HPS4: variants seen among roughly 807,000 people sequenced by gnomAD.
The protein encoded by HPS4 is HPS4 biogenesis of lysosomal organelles complex 3 subunit 2.
In HPS4, 44 loss-of-function variants were observed where a neutral mutation model predicts 70.3. The ratio of observed to expected loss-of-function variants is 0.63; its 90% CI spans 0.49 to 0.80. The LOEUF is 0.80. HPS4 is among the 30% of genes least tolerant of loss of function. The probability of loss-of-function intolerance (pLI) is 0.00; values close to 1 mark genes in which losing one functional copy is unlikely to be tolerated. For synonymous variants in HPS4, 377 were observed against 355.9 expected, an observed-to-expected ratio of 1.06 and a Z score of -0.67; for missense variants, 873 against 884.4, an observed-to-expected ratio of 0.99 and a Z score of 0.16.
chr22:26,469,084 T>G (rs1250958873), intron 7 of HPS4, among the ~76,000 whole-genome samples: 1 of 152,038 alleles, frequency 6.6e-6, no homozygotes, highest in Non-Finnish European at 1.5e-5. Context: ...TGCATACATG[T>G]ACCAGTGGGG....
chr22:26,457,888 C>T lies in HPS4; in HGVS notation c.1926G>A (p.Gln642=). The change falls in exon 13 of 14, where the codon CAG becomes CAA. Residue 642 remains glutamine (Q), a synonymous_variant. Coordinates refer to ENST00000398145, the MANE Select transcript of HPS4 (RefSeq NM_022081.6). ...AVSLMHSEFA[Q]LPALYEMTVR... The stretch of plus-strand genomic sequence containing the variant: ...CAGTCATTTCATAAAGCGCGGGCAG[C>T]TGGGCAAATTCGCTATGCATCAGGC... The T allele has an allele frequency of 6.2e-7, 1 of 1,614,226 alleles. No homozygotes were observed. Among genetic ancestry groups the T allele is most frequent in the Non-Finnish European group, 8.5e-7 (1 of 1,180,036 alleles).
At chr22:26,465,607 G>C in intron 9 of HPS4, 56 bp from the exon 10 acceptor site, 3 of 1,406,536 alleles carry the variant, frequency 2.1e-6, no homozygotes, top group Non-Finnish European at 3.0e-6. Context: ...GAGGGCAGCG[G>C]GGCAATAGCT....
Position 26,458,452 on chromosome 22 carries a change from C to T in HPS4, c.1839G>A (p.Leu613=). The change falls in exon 12 of 14, where the codon TTG becomes TTA. Residue 613 remains leucine (L), a synonymous_variant. Coordinates refer to ENST00000398145, the MANE Select transcript of HPS4 (RefSeq NM_022081.6). ...NFTHYDRIQS[L]LMANLPQVAT... is the part of the protein sequence containing the mutation. ...CCCTTGGCTGGTTCTTACCCATCAG[C>T]AAGCTCTGAATGCGGTCGTAATGTG... is the stretch of plus-strand genomic sequence containing the variant. 1.2e-6 allele frequency: 2 copies of T among 1,614,168 alleles called. No individual in the cohort carries two copies. The highest frequency in any genetic ancestry group is 1.7e-6 in the Non-Finnish European group (2 of 1,180,024).
chr22:26,452,429 G>A lies in HPS4; in HGVS notation c.*804C>T, dbSNP rs1201213541. 2 of 451,030 alleles carry A rather than the reference G, an allele frequency of 4.4e-6. No homozygotes were observed. The highest frequency in any genetic ancestry group is 1.6e-5 in the South Asian group (1 of 63,424). 27.9% of individuals were successfully genotyped at this position (451,030 alleles called of 1,614,324 possible). A position where few individuals can be genotyped will look rare whatever the true frequency, so the allele number is the denominator to read the frequency against. On this transcript the variant is annotated 3_prime_UTR_variant, in exon 14 of 14. Transcript: ENST00000398145. ...GAAAAGCACAGTGCTTTTACCCCCA[G>A]ACATCTTGTAAACTCCTATTTAGGG...
chr22:26,469,950 G>A (rs1230240026), intron 7 of HPS4, among the ~76,000 whole-genome samples: 1 of 152,228 alleles, frequency 6.6e-6, no homozygotes, highest in African/African-American at 2.4e-5. Context: ...AGAAAATTGA[G>A]GCTAAGCAAC....
At chr22:26,462,053 G>A (rs186891144) in intron 11 of HPS4, among the ~76,000 whole-genome samples, 3 of 151,862 alleles carry the variant, frequency 2.0e-5, no homozygotes, top group Non-Finnish European at 2.9e-5. Context: ...TTGAACCGGG[G>A]AGGCGGAGGT....
At chr22:26,478,057 CAA>C (rs2090795801) in intron 3 of HPS4, among the ~76,000 whole-genome samples, 1 of 152,048 alleles carries the variant, frequency 6.6e-6, no homozygotes, top group African/African-American at 2.4e-5. Flanking sequence ...AAGTAATATC[CAA>C]GACAATAAGG....
intron 7 of HPS4, 28 bp downstream of exon 7, chr22:26,470,691 T>C (rs1217386817): frequency 6.2e-7 from 1 of 1,607,110 alleles, no homozygotes; most frequent in Non-Finnish European, 8.5e-7. Flanking sequence ...GGAATGGGGC[T>C]GGAAGAAAGG....
At chr22:26,454,460 GTTTTA>G (rs1259394541) in intron 13 of HPS4, among the ~76,000 whole-genome samples, 1 of 152,154 alleles carries the variant, frequency 6.6e-6, no homozygotes, top group East Asian at 1.9e-4. Flanking sequence ...GTTTTGTTTT[GTTTTA>G]AAGAATGAGA....
At chr22:26,447,081 A>C (rs147870498), downstream of HPS4, among the ~76,000 whole-genome samples, 2 of 152,218 alleles carry the variant, frequency 1.3e-5, no homozygotes, top group African/African-American at 2.4e-5. Flanking sequence ...TTGCAAGACC[A>C]TAACATCCCC....
chr22:26,447,283 TGAGA>T (rs563310528), downstream of HPS4, among the ~76,000 whole-genome samples: 247 of 152,290 alleles, frequency 1.6e-3, no homozygotes, highest in Middle Eastern at 3.4e-3. Context: ...GGAAAGAAGC[TGAGA>T]GAGAAACCCA....
chr22:26,472,584 G>A (rs1213686788), intron 5 of HPS4, among the ~76,000 whole-genome samples, 166 bp from the exon 6 acceptor site: 1 of 152,212 alleles, frequency 6.6e-6, no homozygotes, highest in African/African-American at 2.4e-5. Flanking sequence ...TGCCGCGTGG[G>A]GGTGGCAAGC....
intron 2 of HPS4, chr22:26,479,562 C>T (rs926116567): frequency 3.6e-6 from 5 of 1,407,212 alleles, no homozygotes; most frequent in Non-Finnish European, 4.6e-6. Flanking sequence ...AAATATGCCT[C>T]TATCCAGCCG....
At chr22:26,467,707 C>G (rs946289049) in intron 8 of HPS4, 3 of 152,118 alleles carry the variant, frequency 2.0e-5, no homozygotes, top group African/African-American at 7.2e-5. Flanking sequence ...CGCTGGAAAC[C>G]ACAGCTTCAT....
downstream of HPS4, among the ~76,000 whole-genome samples, chr22:26,448,332 A>G (rs2085024168): frequency 6.6e-6 from 1 of 152,222 alleles, no homozygotes; most frequent in Non-Finnish European, 1.5e-5. Flanking sequence ...AGAGACAGAA[A>G]AGCAACTTGC....
Position 26,464,098 on chromosome 22 carries a change from C to A in HPS4, c.1532G>T (p.Gly511Val). ...GCCAGCACCCTGACAGTTTGCTGAG[C>A]CTGAACTGCATTCCAGACCAGGGGC... The part of the protein sequence containing the change: ...HAAPGLECSS[G>V]SANCQGAGPS... Residue 511 changes from glycine (G) to valine (V), a missense_variant, in exon 11 of 14, where the codon GGC becomes GTC. Transcript: ENST00000398145. 1.2e-6 allele frequency: 2 copies of A among 1,614,254 alleles called. No homozygotes were observed. Among genetic ancestry groups the A allele is most frequent in the Non-Finnish European group, 1.7e-6 (2 of 1,180,046 alleles).
chr22:26,461,425 C>T (rs960123655), intron 11 of HPS4, among the ~76,000 whole-genome samples: 1 of 152,104 alleles, frequency 6.6e-6, no homozygotes, highest in Non-Finnish European at 1.5e-5. Context: ...ATTCCACTCC[C>T]TCTGAGGGAA....
intron 2 of HPS4, among the ~76,000 whole-genome samples, chr22:26,481,127 G>A (rs990314901): frequency 2.0e-5 from 3 of 151,450 alleles, no homozygotes; most frequent in Non-Finnish European, 4.4e-5. Context: ...CTGCTTGTGC[G>A]GGCACACGAA....
rs746883110 is a variant in HPS4 at position 26,452,633 on chromosome 22, C to T, written c.*600G>A. The T allele has an allele frequency of 1.2e-4, 31 of 262,930 alleles. No individual in the cohort carries two copies. Among genetic ancestry groups the T allele is most frequent in the Non-Finnish European group, 1.7e-4 (22 of 132,122 alleles). 16.3% of individuals were successfully genotyped at this position (262,930 alleles called of 1,614,324 possible). A position where few individuals can be genotyped will look rare whatever the true frequency, so the allele number is the denominator to read the frequency against. ...GCCCCCATTGTGGGTCCAAAGAAGACGCCCCTAGATTTGAGTAGAGTTCCA... is the reference window on the plus strand; with the variant it reads ...GCCCCCATTGTGGGTCCAAAGAAGATGCCCCTAGATTTGAGTAGAGTTCCA... On this transcript the variant is annotated 3_prime_UTR_variant, in exon 14 of 14. Transcript: ENST00000398145.
Sources: allele counts gnomAD v4.1 joint callset (sites outside exome capture counted in the v4.1 genomes callset), GRCh38; gene constraint gnomAD v4.1.1; transcripts MANE v1.5; gene names NCBI Gene and HGNC (gene_info 2026-07-23, HGNC 2026-07-21).